The following RRP15 variants were observed in gnomAD, a reference collection of about 807,000 sequenced individuals.
RRP15 encodes RRP15-like protein.
RRP15 carries 18 observed loss-of-function variants against 27.1 expected under a neutral mutation model. The ratio of observed to expected loss-of-function variants is 0.66; its 90% CI spans 0.46 to 0.98. The LOEUF (loss-of-function observed/expected upper bound fraction) is 0.98, where lower values mean the gene tolerates loss of function less well. Among genes scored for constraint, RRP15 ranks in the 50% least tolerant of loss-of-function variants. RRP15 has a pLI of 0.00. For missense variants in RRP15, 359 were observed against 337.8 expected, an observed-to-expected ratio of 1.06 and a Z score of -0.49; for synonymous variants, 107 against 109.4, an observed-to-expected ratio of 0.98 and a Z score of 0.14.
At chr1:218,320,341 G>T (rs1233875865) in intron 4 of RRP15, among the ~76,000 whole-genome samples, 1 of 151,700 alleles carries the variant, frequency 6.6e-6, no homozygotes, top group Non-Finnish European at 1.5e-5. Context: ...ATAGTTTACT[G>T]AGAATGATGA....
At chr1:218,306,361 C>T (rs1655897971) in intron 3 of RRP15, among the ~76,000 whole-genome samples, 1 of 152,166 alleles carries the variant, frequency 6.6e-6, no homozygotes, top group Non-Finnish European at 1.5e-5. Flanking sequence ...AACTGGAACA[C>T]TGTGCTTGGG....
chr1:218,318,807 A>G (rs1656131273), intron 4 of RRP15, among the ~76,000 whole-genome samples: 1 of 151,942 alleles, frequency 6.6e-6, no homozygotes, highest in South Asian at 2.1e-4. Flanking sequence ...TTCTGGGACA[A>G]ATAGTTTCAC....
chr1:218,323,595 A>G lies in RRP15; in HGVS notation c.706-7353A>G, dbSNP rs569892862. Among the ~76,000 whole-genome samples the G allele has an allele frequency of 2.5e-4, 38 of 152,280 alleles. No individual in the cohort carries two copies. The East Asian group carries it at 7.0e-3, about 28-fold the overall frequency. On this transcript the variant is annotated intron_variant, in intron 4 of 4. Coordinates refer to ENST00000366932, the MANE Select transcript of RRP15 (RefSeq NM_016052.4). ...CTCCCTGGCCTGAAGGTGGGGCCTC[A>G]CCGGGGACCCTCCCCCTTCTACCCA...
chr1:218,307,697 A>G (rs903690542), intron 4 of RRP15, 65 bp downstream of exon 4: 10 of 1,053,470 alleles, frequency 9.5e-6, no homozygotes, highest in African/African-American at 3.2e-5. Context: ...CTTGAGATGG[A>G]AAACCAGACT....
At position 218,335,093 on chromosome 1, in the gene RRP15, G is replaced by C. The variant is rs368897647; in HGVS notation, c.*4002G>C. The C allele has an allele frequency of 4.6e-5, 7 of 152,138 alleles. No individual in the cohort carries two copies. The highest frequency in any genetic ancestry group is 7.3e-5 in the Non-Finnish European group (5 of 68,028). The allele number at this position is 152,138 out of a possible 1,614,324, so 9.4% of individuals were successfully genotyped here. A position where few individuals can be genotyped will look rare whatever the true frequency, so the allele number is the denominator to read the frequency against. On this transcript the variant is annotated 3_prime_UTR_variant, in exon 5 of 5. Transcript: ENST00000366932. Reference sequence around the variant, plus strand: ...TAGAATGAATAATCATAATTATATAGATGGAAGATATATTCTAACAGTTCT... The same window carrying C: ...TAGAATGAATAATCATAATTATATACATGGAAGATATATTCTAACAGTTCT...
In RRP15 at chr1:218,337,172, G is replaced by A. The variant is rs1394867204; in HGVS notation, c.*6081G>A. ...CCTGTTATGTAGTAGCGTGTCAAGA[G>A]ATGTTCTCTCTTATGCATTTGGAGG... On this transcript the variant is annotated 3_prime_UTR_variant, in exon 5 of 5. Transcript: ENST00000366932. The A allele has an allele frequency of 6.6e-6, 1 of 152,200 alleles. No individual in the cohort carries two copies. The highest frequency in any genetic ancestry group is 2.4e-5 in the African/African-American group (1 of 41,454). The allele number at this position is 152,200 out of a possible 1,614,324, so 9.4% of individuals were successfully genotyped here.
At position 218,315,100 on chromosome 1, in the gene RRP15, A is replaced by T. The variant is rs180922868; in HGVS notation, c.705+7468A>T. Among the ~76,000 whole-genome samples, 275 of 151,744 alleles carry T rather than the reference A, an allele frequency of 1.8e-3. 2 individuals are homozygous for T. Among genetic ancestry groups the T allele is most frequent in the African/African-American group, 5.9e-3 (246 of 41,372 alleles). On this transcript the variant is annotated intron_variant, in intron 4 of 4. Transcript: ENST00000366932. Reference sequence around the variant, plus strand: ...AGTTACTGGAAGAGTCCAGGTATTTATTTTTTCTGATTTTGTGGTATGAGC... The same window carrying T: ...AGTTACTGGAAGAGTCCAGGTATTTTTTTTTTCTGATTTTGTGGTATGAGC...
At position 218,336,877 on chromosome 1, in the gene RRP15, A is replaced by T. The variant is rs1215831120; in HGVS notation, c.*5786A>T. On this transcript the variant is annotated 3_prime_UTR_variant, in exon 5 of 5. Transcript: ENST00000366932. ...ACATGACTGCCGTATCTTGGTCCTTACTAGGATTCCCAAATATACTCCTTA... is the reference window on the plus strand; with the variant it reads ...ACATGACTGCCGTATCTTGGTCCTTTCTAGGATTCCCAAATATACTCCTTA... 3 of 152,212 alleles carry T rather than the reference A, an allele frequency of 2.0e-5. No individual in the cohort carries two copies. Among genetic ancestry groups the T allele is most frequent in the Non-Finnish European group, 2.9e-5 (2 of 68,036 alleles). The allele number at this position is 152,212 out of a possible 1,614,324, so 9.4% of individuals were successfully genotyped here.
At position 218,335,259 on chromosome 1, in the gene RRP15, A is replaced by C. The variant is rs1656431410; in HGVS notation, c.*4168A>C. 1 of 152,108 alleles carries C rather than the reference A, an allele frequency of 6.6e-6. No homozygotes were observed. Among genetic ancestry groups the C allele is most frequent in the African/African-American group, 2.4e-5 (1 of 41,404 alleles). 9.4% of individuals were successfully genotyped at this position (152,108 alleles called of 1,614,324 possible). ...ACCTAGAGATGCGGTAAACCTTTTA[A>C]ATTTAAATTTGCTTTCTTAAAATAC... On this transcript the variant is annotated 3_prime_UTR_variant, in exon 5 of 5. Coordinates refer to ENST00000366932, the MANE Select transcript of RRP15 (RefSeq NM_016052.4).
At chr1:218,310,091 A>C (rs898668066) in intron 4 of RRP15, among the ~76,000 whole-genome samples, 1 of 152,206 alleles carries the variant, frequency 6.6e-6, no homozygotes. Context: ...TTGATGAGCT[A>C]AATAAAGGAA....
Position 218,325,398 on chromosome 1 carries a change from G to C in RRP15, c.706-5550G>C, listed in dbSNP as rs537082188. On this transcript the variant is annotated intron_variant, in intron 4 of 4. Transcript: ENST00000366932. ...GAACATCCTCAGTGTCCTGAGAAAGGCTGCATTGGAAGTAAACTTTTGGGG... is the reference window on the plus strand; with the variant it reads ...GAACATCCTCAGTGTCCTGAGAAAGCCTGCATTGGAAGTAAACTTTTGGGG... Among the ~76,000 whole-genome samples, 9 of 152,270 alleles carry C rather than the reference G, an allele frequency of 5.9e-5. No homozygotes were observed. In the South Asian group the frequency reaches 1.5e-3, roughly 25 times the overall value.
At chr1:218,303,159 A>G (rs1407220266) in intron 2 of RRP15, among the ~76,000 whole-genome samples, 3 of 152,210 alleles carry the variant, frequency 2.0e-5, no homozygotes, top group African/African-American at 7.2e-5. Context: ...CTAAAAATCC[A>G]TGATAAGGCT....
At chr1:218,305,005 A>C (rs1571798707) in intron 2 of RRP15, 23 bp from the exon 3 acceptor site, 1 of 1,584,020 alleles carries the variant, frequency 6.3e-7, no homozygotes, top group Non-Finnish European at 8.7e-7. Flanking sequence ...ATATTCTTTC[A>C]CATAACAATA....
intron 4 of RRP15, among the ~76,000 whole-genome samples, chr1:218,323,893 G>T (rs563872825): frequency 6.6e-6 from 1 of 152,280 alleles, no homozygotes; most frequent in South Asian, 2.1e-4. Flanking sequence ...GGGAGAAACC[G>T]GGCAGTGGGA....
Position 218,307,553 on chromosome 1 carries a change from A to G in RRP15, c.626A>G (p.Asp209Gly), listed in dbSNP as rs1233560230. The G allele has an allele frequency of 1.9e-6, 3 of 1,613,910 alleles. No homozygotes were observed. The East Asian group carries it at 6.7e-5, about 36-fold the overall frequency. The change falls in exon 4 of 5, where the codon GAT (aspartate) becomes GGT (glycine). Residue 209 changes from aspartate (D) to glycine (G), a missense_variant. Physicochemically the swap from Asp to Gly is moderately conservative, Grantham distance 94 (BLOSUM62 -1). Coordinates refer to ENST00000366932, the MANE Select transcript of RRP15 (RefSeq NM_016052.4). ...AKLISTVSKK[D>G]FISVLRGMDG... ...TTGATATCAACTGTTTCCAAGAAAG[A>G]TTTCATCAGTGTTTTGAGAGGGATG...
intron 4 of RRP15, among the ~76,000 whole-genome samples, chr1:218,317,602 A>G (rs1158601322): frequency 6.6e-6 from 1 of 152,186 alleles, no homozygotes; most frequent in East Asian, 1.9e-4. Context: ...TTATAAATTC[A>G]AGTTAGAATT....
chr1:218,296,643 C>CA (rs200927255), intron 1 of RRP15, among the ~76,000 whole-genome samples: 3,305 of 102,074 alleles, frequency 0.032, 107 homozygotes, highest in African/African-American at 0.1. Context: ...GACCTTGTCT[C>CA]AAAAAAAAAA....
chr1:218,315,331 C>T (rs1309520769), intron 4 of RRP15, among the ~76,000 whole-genome samples: 1 of 152,138 alleles, frequency 6.6e-6, no homozygotes, highest in African/African-American at 2.4e-5. Flanking sequence ...TCTTCTGGTT[C>T]TTAGATCTGC....
chr1:218,297,943 T>C (rs1456435011), intron 1 of RRP15, among the ~76,000 whole-genome samples: 1 of 152,184 alleles, frequency 6.6e-6, no homozygotes, highest in Non-Finnish European at 1.5e-5. Flanking sequence ...ACTTACTTTC[T>C]TTATGCCCAA....
Sources: gnomAD v4.1 joint callset for allele counts (sites outside exome capture counted in the v4.1 genomes callset) on GRCh38, gnomAD v4.1.1 for gene constraint, MANE v1.5 for transcripts, NCBI Gene and HGNC (gene_info 2026-07-23, HGNC 2026-07-21) for gene names.